Variants in GPNMB observed in about 807,000 individuals in gnomAD.
The protein encoded by GPNMB is transmembrane glycoprotein NMB.
GPNMB carries 71 observed loss-of-function variants against 57.3 expected under a neutral mutation model. The observed-to-expected ratio is 1.24, with a 90% CI of 1.02 to 1.51. The LOEUF is 1.51. Among genes scored for constraint, GPNMB ranks in the 40% most tolerant of loss-of-function variants. The pLI, the probability that GPNMB is intolerant of heterozygous loss-of-function variation, is 0.00. For missense variants in GPNMB, 677 were observed against 691.9 expected, an observed-to-expected ratio of 0.98 and a Z score of 0.24; for synonymous variants, 253 against 263.2, an observed-to-expected ratio of 0.96 and a Z score of 0.38.
At chr7:23,268,425 T>C (rs78611171) in intron 8 of GPNMB, among the ~76,000 whole-genome samples, 1 of 152,144 alleles carries the variant, frequency 6.6e-6, no homozygotes, top group Non-Finnish European at 1.5e-5. Context: ...AGCTCCCAGG[T>C]AGTTGTCTAT....
At chr7:23,257,295 G>T in intron 4 of GPNMB, 2 of 587,854 alleles carry the variant, frequency 3.4e-6, no homozygotes, top group African/African-American at 1.9e-5. Flanking sequence ...AAAAGATTAA[G>T]CTCTTTTTCA....
intron 1 of GPNMB, chr7:23,247,679 A>G (rs1238260026): frequency 2.0e-5 from 3 of 152,438 alleles, no homozygotes; most frequent in African/African-American, 7.2e-5. Context: ...AAGCGGCCAA[A>G]GGCGCAGCGG....
intron 1 of GPNMB, among the ~76,000 whole-genome samples, chr7:23,251,325 C>T (rs914030631): frequency 3.9e-5 from 6 of 152,160 alleles, no homozygotes; most frequent in African/African-American, 1.4e-4. Context: ...AGGATCTCTC[C>T]CAGGATTTAA....
intron 1 of GPNMB, 82 bp downstream of exon 1, chr7:23,247,009 A>G (rs1583808736): frequency 2.9e-6 from 3 of 1,037,520 alleles, no homozygotes; most frequent in East Asian, 4.8e-5. Context: ...TCTGAACTAG[A>G]GGTTGGACTG....
chr7:23,264,099 A>G (rs1782999359), intron 6 of GPNMB, among the ~76,000 whole-genome samples: 1 of 149,930 alleles, frequency 6.7e-6, no homozygotes, highest in South Asian at 2.1e-4. Flanking sequence ...CAAATCTGAA[A>G]AAAAAAAAAA....
chr7:23,270,185 G>A lies in GPNMB; in HGVS notation c.1429+10G>A. The A allele has an allele frequency of 2.5e-6, 4 of 1,599,438 alleles. No homozygotes were observed. The highest frequency in any genetic ancestry group is 3.4e-6 in the Non-Finnish European group (4 of 1,166,784). ...TCTGTTCCTGACAGAGGTGAGTTTT[G>A]TTTTATGGCCATATGAGCATTTCAT... On this transcript the variant is annotated intron_variant, in intron 9 of 10. Transcript: ENST00000258733.
rs774828916 is a variant in GPNMB, at chr7:23,274,113, C to T, written c.1572C>T (p.Val524=). 1.6e-5 allele frequency: 25 copies of T among 1,612,812 alleles called. No homozygotes were observed. The highest frequency in any genetic ancestry group is 8.5e-6 in the Non-Finnish European group (10 of 1,178,988). Residue 524 remains valine (V), a synonymous_variant, in exon 11 of 11, where the codon GTC becomes GTT. Coordinates refer to ENST00000258733, the MANE Select transcript of GPNMB (RefSeq NM_002510.3). Reference sequence around the variant, plus strand: ...TAGAAAATAGTCCTGGGAATGTGGTCAGAAGCAAAGGCCTGAGTGTCTTTC... The same window carrying T: ...TAGAAAATAGTCCTGGGAATGTGGTTAGAAGCAAAGGCCTGAGTGTCTTTC... The part of the protein sequence containing the change: ...NPIENSPGNV[V]RSKGLSVFLN...
chr7:23,272,846 C>CT (rs34346503), intron 9 of GPNMB, among the ~76,000 whole-genome samples: 3,736 of 139,556 alleles, frequency 0.027, 124 homozygotes, highest in African/African-American at 0.064. Context: ...AGGTGGTGAT[C>CT]TTTTTTTTTT....
At chr7:23,260,937 A>G (rs1409994647) in intron 6 of GPNMB, among the ~76,000 whole-genome samples, 164 bp downstream of exon 6, 1 of 152,140 alleles carries the variant, frequency 6.6e-6, no homozygotes, top group Non-Finnish European at 1.5e-5. Flanking sequence ...ACCATTTTAC[A>G]CCTATAGAAC....
rs1324239541 is a variant in GPNMB at position 23,274,656 on chromosome 7, C to T, written c.*432C>T. 1 of 156,224 alleles carries T rather than the reference C, an allele frequency of 6.4e-6. No individual in the cohort carries two copies. Among genetic ancestry groups the T allele is most frequent in the Non-Finnish European group, 1.4e-5 (1 of 70,860 alleles). 9.7% of individuals were successfully genotyped at this position (156,224 alleles called of 1,614,324 possible). A position where few individuals can be genotyped will look rare whatever the true frequency, so the allele number is the denominator to read the frequency against. ...CCAGTTTCTAAGATCATGTTCCAAG[C>T]TAACTGAATCCCACTTCAATACACA... On this transcript the variant is annotated 3_prime_UTR_variant, in exon 11 of 11. Transcript: ENST00000258733.
intron 6 of GPNMB, among the ~76,000 whole-genome samples, chr7:23,264,727 A>G (rs1761365171): frequency 2.6e-5 from 4 of 152,184 alleles, no homozygotes. Flanking sequence ...ACTGACTTTT[A>G]TTATTTGGTC....
chr7:23,265,197 T>C (rs1269928547), intron 6 of GPNMB, among the ~76,000 whole-genome samples: 1 of 152,190 alleles, frequency 6.6e-6, no homozygotes, highest in African/African-American at 2.4e-5. Context: ...GAAATCTGCT[T>C]TGGGCACAGG....
In GPNMB at chr7:23,267,957, C is replaced by T. The variant is rs1170218906; in HGVS notation, c.1189C>T (p.Leu397=). ...GCCGGTGCCATGGCCTGAAAGCTCC[C>T]TAATAGACTTTGTCGTGACCTGCCA... The part of the protein sequence containing the change: ...LMPVPWPESS[L]IDFVVTCQGS... The change falls in exon 8 of 11, where the codon CTA becomes TTA. Residue 397 remains leucine, a synonymous_variant. Coordinates refer to ENST00000258733, the MANE Select transcript of GPNMB (RefSeq NM_002510.3). The T allele has an allele frequency of 1.6e-5, 26 of 1,613,272 alleles. No homozygotes were observed. The highest frequency in any genetic ancestry group is 2.2e-5 in the Non-Finnish European group (26 of 1,179,340).
At chr7:23,260,404 T>TA (rs1782887379) in intron 5 of GPNMB, 52 bp from the exon 6 acceptor site, 1 of 1,399,276 alleles carries the variant, frequency 7.1e-7, no homozygotes, top group East Asian at 2.3e-5. Context: ...GCCCTCCACT[T>TA]ACAATCAAGC....
intron 1 of GPNMB, among the ~76,000 whole-genome samples, chr7:23,252,819 T>C (rs981455217): frequency 2.0e-5 from 3 of 152,202 alleles, no homozygotes; most frequent in African/African-American, 7.2e-5. Context: ...ACAAAGTATA[T>C]GGAACATTCA....
chr7:23,254,066 G>A (rs1229071922), intron 2 of GPNMB, 103 bp from the exon 3 acceptor site: 2 of 879,320 alleles, frequency 2.3e-6, no homozygotes, highest in Non-Finnish European at 3.4e-6. Context: ...TTATAAAGAG[G>A]CATATGGGTC....
intron 1 of GPNMB, among the ~76,000 whole-genome samples, chr7:23,250,376 T>C (rs73277833): frequency 0.016 from 2,367 of 152,308 alleles, 59 homozygotes; most frequent in African/African-American, 0.055. Context: ...CTTTTTGCTT[T>C]TTTACAGCAC....
chr7:23,262,614 T>C (rs1032882777), intron 6 of GPNMB, among the ~76,000 whole-genome samples: 4 of 112,278 alleles, frequency 3.6e-5, no homozygotes, highest in Non-Finnish European at 5.2e-5. Flanking sequence ...TTCTCTTTTT[T>C]TTTTTTTTTT....
chr7:23,265,819 G>T (rs76259529), intron 6 of GPNMB, among the ~76,000 whole-genome samples: 5,390 of 150,936 alleles, frequency 0.036, 282 homozygotes, highest in African/African-American at 0.12. Context: ...TGTGCCTGTG[G>T]TCTCAAACAG....
Sources: allele counts gnomAD v4.1 joint callset (sites outside exome capture counted in the v4.1 genomes callset), GRCh38; gene constraint gnomAD v4.1.1; transcripts MANE v1.5; gene names NCBI Gene and HGNC (gene_info 2026-07-23, HGNC 2026-07-21).